Variants in MEIKIN observed in about 807,000 individuals in gnomAD.
MEIKIN encodes meiotic kinetochore factor.
chr5:131,910,498 G>C (rs1249213179), intron 8 of MEIKIN, among the ~76,000 whole-genome samples: 1 of 151,770 alleles, frequency 6.6e-6, no homozygotes, highest in African/African-American at 2.4e-5. Flanking sequence ...TAGAAAGAAT[G>C]AATAAGACCT....
rs1168101776 is a variant in MEIKIN at position 131,909,691 on chromosome 5, T to C, written c.703+2124A>G. On this transcript the variant is annotated intron_variant, in intron 8 of 12. Transcript: ENST00000442687. ...CCTAATTAGGGATTAATAACCAGAATATATAAGGAGCTCACACAACTCTAT... is the reference window on the plus strand; with the variant it reads ...CCTAATTAGGGATTAATAACCAGAACATATAAGGAGCTCACACAACTCTAT... Among the ~76,000 whole-genome samples the C allele has an allele frequency of 5.3e-5, 8 of 151,980 alleles. No homozygotes were observed. The East Asian group carries it at 1.2e-3, about 22-fold the overall frequency.
intron 8 of MEIKIN, among the ~76,000 whole-genome samples, chr5:131,883,697 C>T (rs771249274): frequency 9.2e-5 from 14 of 152,146 alleles, no homozygotes; most frequent in South Asian, 6.2e-4. Context: ...TCATAAGAAC[C>T]AAAATTCAGA....
chr5:131,841,141 C>T (rs945541124), intron 11 of MEIKIN, among the ~76,000 whole-genome samples: 1 of 152,154 alleles, frequency 6.6e-6, no homozygotes, highest in Non-Finnish European at 1.5e-5. Context: ...TCCTGAAATG[C>T]AAGCTCTAAT....
intron 9 of MEIKIN, among the ~76,000 whole-genome samples, chr5:131,872,723 A>G (rs1750528603): frequency 6.6e-6 from 1 of 152,228 alleles, no homozygotes; most frequent in South Asian, 2.1e-4. Context: ...GAAATGAAGG[A>G]AAAAATGTTA....
chr5:131,878,327 G>A lies in MEIKIN; in HGVS notation c.774+651C>T, dbSNP rs960806788. Among the ~76,000 whole-genome samples the A allele has an allele frequency of 4.6e-5, 7 of 152,242 alleles. No individual in the cohort carries two copies. The East Asian group carries it at 5.8e-4, about 13-fold the overall frequency. On this transcript the variant is annotated intron_variant, in intron 9 of 12. Coordinates refer to ENST00000442687, the MANE Select transcript of MEIKIN (RefSeq NM_001303622.2). ...TCACGCCTGTAATCCCAGCACTTTC[G>A]GAGGCCGAGGCGGGCGGATCACGAG... is the stretch of plus-strand genomic sequence containing the variant.
intron 2 of MEIKIN, 156 bp from the exon 3 acceptor site, chr5:131,944,908 C>T: frequency 2.5e-6 from 1 of 398,020 alleles, no homozygotes; most frequent in Non-Finnish European, 4.4e-6. Flanking sequence ...AATGCAGTGA[C>T]ACAATCGTAT....
chr5:131,835,729 G>A (rs1401080738), intron 11 of MEIKIN, among the ~76,000 whole-genome samples: 2 of 152,176 alleles, frequency 1.3e-5, no homozygotes, highest in African/African-American at 2.4e-5. Flanking sequence ...GAGTAGCTGG[G>A]ACTACAGGTG....
At chr5:131,940,809 C>T (rs1192583872) in intron 4 of MEIKIN, among the ~76,000 whole-genome samples, 2 of 152,092 alleles carry the variant, frequency 1.3e-5, no homozygotes, top group Non-Finnish European at 2.9e-5. Flanking sequence ...AGAAGTCTCA[C>T]GGTTCAGAGA....
chr5:131,867,108 T>C (rs10045303), intron 9 of MEIKIN, among the ~76,000 whole-genome samples: 96,685 of 152,026 alleles, frequency 0.64, 32,795 homozygotes, highest in Non-Finnish European at 0.77. Flanking sequence ...CCCATTCTAA[T>C]CTGGTTTGCC....
intron 11 of MEIKIN, among the ~76,000 whole-genome samples, chr5:131,826,571 G>A (rs1373268955): frequency 6.6e-6 from 1 of 152,114 alleles, no homozygotes; most frequent in Non-Finnish European, 1.5e-5. Context: ...TTGGCTCTGT[G>A]TCCCACCCAA....
chr5:131,872,894 A>C (rs1255440488), intron 9 of MEIKIN, among the ~76,000 whole-genome samples: 1 of 152,222 alleles, frequency 6.6e-6, no homozygotes, highest in Admixed American at 6.5e-5. Flanking sequence ...TATCCAGCCA[A>C]ACTAAGCTTC....
At chr5:131,838,874 T>C (rs1360730660) in intron 11 of MEIKIN, among the ~76,000 whole-genome samples, 1 of 152,172 alleles carries the variant, frequency 6.6e-6, no homozygotes, top group Non-Finnish European at 1.5e-5. Context: ...TTGATTCTGG[T>C]TGTTTCTTGT....
intron 2 of MEIKIN, 130 bp downstream of exon 2, chr5:131,945,026 A>G (rs1751937807): frequency 2.5e-6 from 1 of 398,220 alleles, no homozygotes. Context: ...TGTTCTGAGA[A>G]GAGCAAAATC....
intron 8 of MEIKIN, among the ~76,000 whole-genome samples, chr5:131,908,222 G>A (rs1751276209): frequency 1.3e-5 from 2 of 152,110 alleles, no homozygotes; most frequent in Admixed American, 6.6e-5. Context: ...ATATTAAACA[G>A]ATCATTCTTC....
intron 8 of MEIKIN, among the ~76,000 whole-genome samples, chr5:131,887,595 G>A (rs999206008): frequency 2.0e-5 from 3 of 152,096 alleles, no homozygotes; most frequent in Non-Finnish European, 2.9e-5. Flanking sequence ...CAGCGATGAT[G>A]AGCATTATTT....
chr5:131,935,763 T>C (rs1305557942), intron 4 of MEIKIN, among the ~76,000 whole-genome samples: 1 of 152,184 alleles, frequency 6.6e-6, no homozygotes, highest in Non-Finnish European at 1.5e-5. Context: ...TCACAACTTT[T>C]TCTCCTATGC....
intron 10 of MEIKIN, among the ~76,000 whole-genome samples, chr5:131,852,430 G>A (rs559420551): frequency 6.6e-6 from 1 of 152,210 alleles, no homozygotes; most frequent in South Asian, 2.1e-4. Context: ...AAGTTACCCA[G>A]TCTTGGGTAT....
chr5:131,936,837 C>T (rs1274230231), intron 4 of MEIKIN, among the ~76,000 whole-genome samples: 1 of 152,186 alleles, frequency 6.6e-6, no homozygotes, highest in Non-Finnish European at 1.5e-5. Context: ...TCCCATAGTA[C>T]TGGTATTACA....
intron 8 of MEIKIN, among the ~76,000 whole-genome samples, chr5:131,909,791 T>A (rs1751303022): frequency 6.6e-6 from 1 of 152,036 alleles, no homozygotes; most frequent in Admixed American, 6.5e-5. Flanking sequence ...AAAGAAGACA[T>A]ACAAATGGCA....
Sources: allele counts gnomAD v4.1 joint callset (sites outside exome capture counted in the v4.1 genomes callset), GRCh38; gene constraint gnomAD v4.1.1; transcripts MANE v1.5; gene names NCBI Gene and HGNC (gene_info 2026-07-23, HGNC 2026-07-21).